LRRC4C: variants seen among roughly 807,000 people sequenced by gnomAD.
LRRC4C encodes the protein leucine-rich repeat-containing protein 4C.
In LRRC4C, 5 loss-of-function variants were observed where a neutral mutation model predicts 33.6. The observed-to-expected ratio is 0.15, with a 90% confidence interval of 0.08 to 0.31. LRRC4C has a LOEUF of 0.31. LRRC4C is among the 10% of genes least tolerant of loss of function. LRRC4C has a pLI of 1.00. For missense variants in LRRC4C, 560 were observed against 796.7 expected (o/e 0.70, Z 3.58); for synonymous variants, 329 against 302.0 (o/e 1.09, Z -0.93).
intron 3 of LRRC4C, among the ~76,000 whole-genome samples, chr11:40,547,419 G>A (rs1234814819): frequency 2.0e-5 from 3 of 151,956 alleles, no homozygotes; most frequent in Non-Finnish European, 2.9e-5. Context: ...GGTACGCAAG[G>A]GTTACAAGCA....
chr11:40,602,589 A>C (rs1005216259), intron 3 of LRRC4C, among the ~76,000 whole-genome samples: 3 of 152,200 alleles, frequency 2.0e-5, no homozygotes, highest in African/African-American at 7.2e-5. Flanking sequence ...TGAGAGGGAG[A>C]AAAGAAAATG....
chr11:41,453,738 A>G (rs904998309), intron 1 of LRRC4C, among the ~76,000 whole-genome samples: 3 of 152,068 alleles, frequency 2.0e-5, no homozygotes, highest in Non-Finnish European at 4.4e-5. Context: ...TGCCTGGCAC[A>G]TAGAATACCT....
chr11:40,418,298 AG>A (rs1220131314), intron 3 of LRRC4C, among the ~76,000 whole-genome samples: 1 of 152,236 alleles, frequency 6.6e-6, no homozygotes, highest in African/African-American at 2.4e-5. Flanking sequence ...AAAGTGGCAA[AG>A]GAAAAGAACA....
At chr11:40,214,854 AG>A (rs1380136575) in intron 5 of LRRC4C, among the ~76,000 whole-genome samples, 2 of 152,134 alleles carry the variant, frequency 1.3e-5, no homozygotes, top group African/African-American at 2.4e-5. Context: ...TTCCCCGCTA[AG>A]CCATGTCTAG....
chr11:41,424,886 A>G (rs1402349128), intron 1 of LRRC4C, among the ~76,000 whole-genome samples: 2 of 152,210 alleles, frequency 1.3e-5, no homozygotes, highest in African/African-American at 4.8e-5. Flanking sequence ...GCTGAATACA[A>G]TAGGTATCTA....
intron 3 of LRRC4C, among the ~76,000 whole-genome samples, chr11:40,414,936 A>G (rs1486205397): frequency 6.6e-6 from 1 of 152,170 alleles, no homozygotes; most frequent in East Asian, 1.9e-4. Flanking sequence ...ACAGCTATGG[A>G]AACTACTTAC....
intron 3 of LRRC4C, among the ~76,000 whole-genome samples, chr11:40,369,727 CA>C (rs1273376376): frequency 6.6e-6 from 1 of 152,158 alleles, no homozygotes; most frequent in Non-Finnish European, 1.5e-5. Flanking sequence ...TGTTTTGAAA[CA>C]TGTATACATT....
chr11:40,542,413 G>C (rs1379857836), intron 3 of LRRC4C, among the ~76,000 whole-genome samples: 3 of 152,094 alleles, frequency 2.0e-5, no homozygotes, highest in African/African-American at 7.2e-5. Flanking sequence ...CTGTGGCCCA[G>C]CTGCCTTGTG....
intron 1 of LRRC4C, among the ~76,000 whole-genome samples, chr11:41,003,331 C>T (rs1854513176): frequency 1.3e-5 from 2 of 151,948 alleles, no homozygotes; most frequent in African/African-American, 2.4e-5. Context: ...AGGAAAAATA[C>T]AAGACAGACA....
intron 3 of LRRC4C, among the ~76,000 whole-genome samples, chr11:40,498,978 TC>T (rs1328572321): frequency 6.6e-6 from 1 of 152,146 alleles, no homozygotes; most frequent in African/African-American, 2.4e-5. Flanking sequence ...TCCTTTCCTC[TC>T]CCCATGTTAC....
chr11:40,871,537 A>G (rs936562711), intron 2 of LRRC4C, among the ~76,000 whole-genome samples: 8 of 152,002 alleles, frequency 5.3e-5, no homozygotes, highest in Non-Finnish European at 8.8e-5. Context: ...GGGCCCAGTC[A>G]CTCTTGTCAC....
intron 1 of LRRC4C, among the ~76,000 whole-genome samples, chr11:41,026,732 C>A (rs560332277): frequency 6.5e-4 from 99 of 151,604 alleles, no homozygotes; most frequent in African/African-American, 2.3e-3. Flanking sequence ...TGAGAAAAGA[C>A]CCTCCACTAC....
At chr11:41,351,696 CATGCATTA>C (rs1951990309) in intron 1 of LRRC4C, among the ~76,000 whole-genome samples, 1 of 152,158 alleles carries the variant, frequency 6.6e-6, no homozygotes, top group Non-Finnish European at 1.5e-5. Flanking sequence ...TATTCAGCAA[CATGCATTA>C]ATGCATTAAA....
intron 2 of LRRC4C, among the ~76,000 whole-genome samples, chr11:40,730,607 T>C (rs976248400): frequency 2.6e-5 from 4 of 152,220 alleles, no homozygotes; most frequent in Non-Finnish European, 4.4e-5. Flanking sequence ...GTTATTCTAA[T>C]GTCTGGTCCA....
chr11:41,232,137 T>C (rs1453142009), intron 1 of LRRC4C, among the ~76,000 whole-genome samples: 1 of 152,024 alleles, frequency 6.6e-6, no homozygotes, highest in African/African-American at 2.4e-5. Context: ...AAATCTCTCA[T>C]TCTTTTCCAG....
At chr11:40,730,429 G>T (rs947507119) in intron 2 of LRRC4C, among the ~76,000 whole-genome samples, 18 of 152,158 alleles carry the variant, frequency 1.2e-4, no homozygotes, top group African/African-American at 3.9e-4. Flanking sequence ...ATAGAAATGG[G>T]GAATATATTT....
chr11:40,797,439 G>A (rs1411376620), intron 2 of LRRC4C, among the ~76,000 whole-genome samples: 2 of 152,024 alleles, frequency 1.3e-5, no homozygotes, highest in Admixed American at 1.3e-4. Flanking sequence ...TAGGGATTTG[G>A]GTCAAAAATG....
At chr11:40,927,161 GTCAGGAGT>G (rs1239192824) in intron 2 of LRRC4C, among the ~76,000 whole-genome samples, 4 of 152,104 alleles carry the variant, frequency 2.6e-5, no homozygotes, top group African/African-American at 9.7e-5. Flanking sequence ...GGACCATGAG[GTCAGGAGT>G]TCGAGACCAG....
At chr11:40,623,153 G>GT (rs976617746) in intron 3 of LRRC4C, among the ~76,000 whole-genome samples, 9 of 151,260 alleles carry the variant, frequency 6.0e-5, no homozygotes, top group East Asian at 5.8e-4. Context: ...TCAAATCTCT[G>GT]TTTTTTTCAT....
Sources: allele counts gnomAD v4.1 joint callset (sites outside exome capture counted in the v4.1 genomes callset), GRCh38; gene constraint gnomAD v4.1.1; transcripts MANE v1.5; gene names NCBI Gene and HGNC (gene_info 2026-07-23, HGNC 2026-07-21).